YTHDC2: variants seen among roughly 807,000 people sequenced by gnomAD.
YTHDC2 encodes 3'-5' RNA helicase YTHDC2.
YTHDC2 carries 45 observed loss-of-function variants against 174.9 expected under a neutral mutation model. That is an observed-to-expected ratio of 0.26 (90% CI 0.20 to 0.33). The LOEUF (loss-of-function observed/expected upper bound fraction) is 0.33. YTHDC2 is among the 10% of genes least tolerant of loss of function. The pLI, the probability that YTHDC2 is intolerant of heterozygous loss-of-function variation, is 1.00. For synonymous variants in YTHDC2, 657 were observed against 574.5 expected (o/e 1.14, Z -2.05); for missense variants, 1,650 against 1,723.7 (o/e 0.96, Z 0.76).
chr5:113,582,523 T>C (rs1337065917), intron 25 of YTHDC2: 1 of 152,210 alleles, frequency 6.6e-6, no homozygotes, highest in Non-Finnish European at 1.5e-5. Context: ...CAAATTTAAG[T>C]TATTTTATAA....
At chr5:113,548,828 C>A in intron 11 of YTHDC2, 127 bp from the exon 12 acceptor site, 1 of 1,138,144 alleles carries the variant, frequency 8.8e-7, no homozygotes, top group South Asian at 2.2e-5. Flanking sequence ...TGTTTTTTAA[C>A]TATAATTTAT....
chr5:113,560,259 CATG>C (rs1442599520), intron 17 of YTHDC2, among the ~76,000 whole-genome samples: 2 of 152,162 alleles, frequency 1.3e-5, no homozygotes, highest in African/African-American at 4.8e-5. Flanking sequence ...ACTGCATTGA[CATG>C]ATGACATTCC....
At chr5:113,579,753 A>G in intron 24 of YTHDC2, 58 bp downstream of exon 24, 2 of 1,433,124 alleles carry the variant, frequency 1.4e-6, no homozygotes, top group East Asian at 2.5e-5. Context: ...GTGAATTGAT[A>G]TATAATATGA....
At chr5:113,566,074 A>G in intron 21 of YTHDC2, 55 bp downstream of exon 21, 2 of 1,469,882 alleles carry the variant, frequency 1.4e-6, no homozygotes, top group South Asian at 3.0e-5. Context: ...CCCTGCCCAT[A>G]TTTCATAGTA....
At chr5:113,584,162 A>T (rs1778546907) in intron 25 of YTHDC2, 140 bp from the exon 26 acceptor site, 1 of 662,348 alleles carries the variant, frequency 1.5e-6, no homozygotes, top group African/African-American at 1.8e-5. Context: ...AGTATTTTTA[A>T]ATAATATTCC....
At position 113,540,887 on chromosome 5, in the gene YTHDC2, C is replaced by G. The variant is rs3936061; in HGVS notation, c.1211-81C>G. ...CCAACTTTTAAGAGATACCAGATTC[C>G]CATAATTTATTTAAACAAAGGAATA... On this transcript the variant is annotated intron_variant, in intron 8 of 29. Transcript: ENST00000161863. 2.9e-6 allele frequency: 4 copies of G among 1,356,698 alleles called. No homozygotes were observed. The African/African-American group carries it at 5.9e-5, about 20-fold the overall frequency. 84.0% of individuals were successfully genotyped at this position (1,356,698 alleles called of 1,614,324 possible).
intron 23 of YTHDC2, among the ~76,000 whole-genome samples, chr5:113,575,626 C>T (rs570976744): frequency 6.6e-6 from 1 of 152,062 alleles, no homozygotes; most frequent in Non-Finnish European, 1.5e-5. Flanking sequence ...GATTGGAGTG[C>T]ACTGGTCAAT....
chr5:113,540,277 T>C (rs1466906915), intron 8 of YTHDC2, among the ~76,000 whole-genome samples: 1 of 152,220 alleles, frequency 6.6e-6, no homozygotes, highest in Non-Finnish European at 1.5e-5. Flanking sequence ...CAAAGTGCTG[T>C]ATGAATATTG....
chr5:113,524,588 A>G (rs7732310), intron 2 of YTHDC2, among the ~76,000 whole-genome samples: 48,182 of 151,904 alleles, frequency 0.32, 9,449 homozygotes, highest in African/African-American at 0.54. Context: ...TCTGAACTAT[A>G]GACCATAACT....
intron 11 of YTHDC2, 95 bp downstream of exon 11, chr5:113,548,762 T>A (rs1776055305): frequency 7.5e-7 from 1 of 1,334,616 alleles, no homozygotes; most frequent in African/African-American, 1.5e-5. Context: ...TAAAAACTAT[T>A]GTGTAATAAT....
At chr5:113,567,404 T>TTATA (rs368320106) in intron 22 of YTHDC2, 107 bp downstream of exon 22, 7,350 of 286,904 alleles carry the variant, frequency 0.026, 97 homozygotes, top group Non-Finnish European at 0.03. Flanking sequence ...AATTAATTAG[T>TTATA]TATATATATA....
intron 23 of YTHDC2, among the ~76,000 whole-genome samples, chr5:113,570,024 G>C (rs538584307): frequency 6.6e-6 from 1 of 152,084 alleles, no homozygotes; most frequent in Admixed American, 6.6e-5. Flanking sequence ...GCAGTGATAC[G>C]TAGTTCTCCT....
intron 17 of YTHDC2, among the ~76,000 whole-genome samples, chr5:113,557,103 G>A (rs143013060): frequency 4.2e-4 from 64 of 152,218 alleles, no homozygotes; most frequent in African/African-American, 1.4e-3. Flanking sequence ...CAAATGCATC[G>A]AGAAGTCTGG....
chr5:113,536,465 C>T lies in YTHDC2; in HGVS notation c.1102+667C>T, dbSNP rs1356496567. 3.3e-5 allele frequency among the ~76,000 whole-genome samples: 5 copies of T among 152,166 alleles called. No individual in the cohort carries two copies. In the East Asian group the frequency reaches 9.6e-4, roughly 29 times the overall value. On this transcript the variant is annotated intron_variant, in intron 7 of 29. Coordinates refer to ENST00000161863, the MANE Select transcript of YTHDC2 (RefSeq NM_022828.5). The stretch of plus-strand genomic sequence containing the variant: ...GCGTGAACCCAGGAGGCGGAGCTTG[C>T]AGTGAGCTGAGATTGTGCCACTGCA...
intron 8 of YTHDC2, among the ~76,000 whole-genome samples, chr5:113,540,278 A>G (rs1775361711): frequency 6.6e-6 from 1 of 152,230 alleles, no homozygotes; most frequent in Non-Finnish European, 1.5e-5. Context: ...AAAGTGCTGT[A>G]TGAATATTGG....
chr5:113,575,483 A>G (rs944651978), intron 23 of YTHDC2, among the ~76,000 whole-genome samples: 4 of 152,184 alleles, frequency 2.6e-5, no homozygotes, highest in African/African-American at 9.7e-5. Flanking sequence ...TTCTGAGAAG[A>G]CTTAAACTGA....
Position 113,526,727 on chromosome 5 carries a change from T to G in YTHDC2, c.617T>G (p.Ile206Ser), listed in dbSNP as rs780529464. The G allele has an allele frequency of 4.4e-6, 7 of 1,575,104 alleles. No homozygotes were observed. In the African/African-American group the frequency reaches 9.6e-5, roughly 22 times the overall value. ...FEKQEEIVKIIKENKVVLIVG... is the reference protein window; with the variant it reads ...FEKQEEIVKISKENKVVLIVG... ...AAACAGGAAGAAATTGTTAAAATAA[T>G]TAAGGAAAATAAAGTAGTTTTGATT... Residue 206 changes from isoleucine to serine, a missense_variant, in exon 4 of 30, where the codon ATT becomes AGT. Ile to Ser is a moderately radical substitution (Grantham distance 142). This residue lies in a region of YTHDC2 where 304 missense variants were observed against 341.4 expected (regional missense o/e 0.89). Coordinates refer to ENST00000161863, the MANE Select transcript of YTHDC2 (RefSeq NM_022828.5).
intron 22 of YTHDC2, 113 bp downstream of exon 22, chr5:113,567,410 A>ATG: frequency 9.6e-6 from 3 of 314,114 alleles, no homozygotes; most frequent in Non-Finnish European, 1.5e-5. Context: ...TTAGTTATAT[A>ATG]TATATATATA....
At chr5:113,579,777 T>C (rs769840825) in intron 24 of YTHDC2, 82 bp downstream of exon 24, 7 of 1,384,994 alleles carry the variant, frequency 5.1e-6, no homozygotes, top group Admixed American at 6.0e-5. Flanking sequence ...AATTTTTTTC[T>C]TTACTATTGA....
Sources: gnomAD v4.1 joint callset for allele counts (sites outside exome capture counted in the v4.1 genomes callset) on GRCh38, gnomAD v4.1.1 for gene constraint, gnomAD v4.1.1 regional missense constraint, MANE v1.5 for transcripts, NCBI Gene and HGNC (gene_info 2026-07-23, HGNC 2026-07-21) for gene names.